Variants in RP1 observed in about 807,000 individuals in gnomAD.
The protein encoded by RP1 is oxygen-regulated protein 1.
RP1 carries 16 observed loss-of-function variants against 14.8 expected under a neutral mutation model. The ratio of observed to expected loss-of-function variants is 1.08; its 90% CI spans 0.73 to 1.65. RP1 has a LOEUF of 1.65. Ranked by LOEUF, RP1 falls within the 40% of genes most tolerant of loss-of-function variation. The pLI, the probability that RP1 is intolerant of heterozygous loss-of-function variation, is 0.00. For synonymous variants in RP1, 876 were observed against 883.6 expected, an observed-to-expected ratio of 0.99 and a Z score of 0.15; for missense variants, 2,631 against 2,535.0, an observed-to-expected ratio of 1.04 and a Z score of -0.81.
chr8:54,826,397 G>C (rs1811386732), intron 24 of RP1, among the ~76,000 whole-genome samples: 1 of 152,164 alleles, frequency 6.6e-6, no homozygotes, highest in African/African-American at 2.4e-5. Context: ...TTTATCTTCT[G>C]TCTAACCACA....
intron 24 of RP1, among the ~76,000 whole-genome samples, chr8:54,816,231 A>G (rs936168913): frequency 1.3e-5 from 2 of 152,242 alleles, no homozygotes; most frequent in Admixed American, 1.3e-4. Context: ...TGAAAGCTGC[A>G]TTCTAAAATG....
chr8:54,859,559 T>A (rs540106669), intron 27 of RP1, among the ~76,000 whole-genome samples: 2 of 150,900 alleles, frequency 1.3e-5, no homozygotes, highest in East Asian at 3.9e-4. Flanking sequence ...TCACTGTAGG[T>A]GGTGTCACTG....
At chr8:54,583,364 T>C (rs1157187852) in intron 1 of RP1, among the ~76,000 whole-genome samples, 5 of 152,206 alleles carry the variant, frequency 3.3e-5, no homozygotes, top group Middle Eastern at 3.2e-3. Flanking sequence ...TTGATTGTGG[T>C]GGATAAGCTT....
At chr8:54,746,837 T>C (rs1809235892) in intron 19 of RP1, among the ~76,000 whole-genome samples, 1 of 152,178 alleles carries the variant, frequency 6.6e-6, no homozygotes, top group Non-Finnish European at 1.5e-5. Flanking sequence ...TCTCACAAGT[T>C]GTGAATATCA....
chr8:54,559,576 T>C (rs1165347054), intron 1 of RP1, among the ~76,000 whole-genome samples: 1 of 152,100 alleles, frequency 6.6e-6, no homozygotes, highest in Non-Finnish European at 1.5e-5. Flanking sequence ...TTTTTGCAGA[T>C]ATTTGTAAGG....
chr8:54,597,077 CAATAG>C (rs1395045846), intron 1 of RP1, among the ~76,000 whole-genome samples: 2 of 152,108 alleles, frequency 1.3e-5, no homozygotes. Flanking sequence ...TTTCCATGTT[CAATAG>C]AATAGAACTA....
chr8:54,747,624 G>A (rs1222765169), intron 19 of RP1, among the ~76,000 whole-genome samples: 1 of 152,130 alleles, frequency 6.6e-6, no homozygotes, highest in Non-Finnish European at 1.5e-5. Flanking sequence ...AGTACGGCTG[G>A]GTGCATTGGC....
chr8:54,631,718 T>C (rs1806249203), downstream of RP1, among the ~76,000 whole-genome samples: 1 of 152,156 alleles, frequency 6.6e-6, no homozygotes, highest in African/African-American at 2.4e-5. Context: ...CAGGCTGGTT[T>C]TGAACTCCTG....
intron 1 of RP1, among the ~76,000 whole-genome samples, chr8:54,605,444 G>A (rs1370270751): frequency 1.3e-5 from 2 of 152,130 alleles, no homozygotes; most frequent in South Asian, 4.1e-4. Flanking sequence ...TTGCTGAGAA[G>A]TGCTTTACTT....
chr8:54,652,044 C>T (rs1392566325), intron 4 of RP1, among the ~76,000 whole-genome samples: 1 of 148,084 alleles, frequency 6.8e-6, no homozygotes, highest in Non-Finnish European at 1.5e-5. Flanking sequence ...GTCTATCTCT[C>T]TCGCACAGGC....
At chr8:54,623,131 G>C (rs1352610006) in intron 3 of RP1, among the ~76,000 whole-genome samples, 1 of 152,040 alleles carries the variant, frequency 6.6e-6, no homozygotes, top group Admixed American at 6.5e-5. Context: ...TGATTTCATG[G>C]ATATATTCAA....
intron 12 of RP1, among the ~76,000 whole-genome samples, chr8:54,685,550 G>T (rs1183506476): frequency 2.6e-5 from 4 of 152,154 alleles, no homozygotes; most frequent in Non-Finnish European, 5.9e-5. Flanking sequence ...TGCATTTACT[G>T]AGGAGTGGAA....
intron 15 of RP1, among the ~76,000 whole-genome samples, chr8:54,715,642 G>A (rs1808385682): frequency 6.6e-6 from 1 of 152,166 alleles, no homozygotes; most frequent in South Asian, 2.1e-4. Context: ...CAGAGTGGGT[G>A]AGTAGAAGTT....
intron 25 of RP1, among the ~76,000 whole-genome samples, chr8:54,843,185 A>G (rs1811829143): frequency 6.6e-6 from 1 of 152,096 alleles, no homozygotes; most frequent in African/African-American, 2.4e-5. Flanking sequence ...ACAGGCGTGC[A>G]CCACCACGCC....
At chr8:54,677,970 G>A (rs978264875) in intron 8 of RP1, among the ~76,000 whole-genome samples, 2 of 152,080 alleles carry the variant, frequency 1.3e-5, no homozygotes, top group African/African-American at 2.4e-5. Flanking sequence ...ACCTTCATGT[G>A]TACCAGGTGA....
chr8:54,819,688 G>A (rs977922323), intron 24 of RP1, among the ~76,000 whole-genome samples: 23 of 152,080 alleles, frequency 1.5e-4, no homozygotes, highest in African/African-American at 5.1e-4. Flanking sequence ...TGCATTAGGG[G>A]GCACCATAAG....
intron 15 of RP1, among the ~76,000 whole-genome samples, chr8:54,715,941 G>T (rs979373539): frequency 6.6e-6 from 1 of 152,200 alleles, no homozygotes; most frequent in Non-Finnish European, 1.5e-5. Context: ...CCAGAAGTAA[G>T]TACCAAGTTC....
intron 19 of RP1, among the ~76,000 whole-genome samples, chr8:54,748,291 G>A (rs1307039144): frequency 6.6e-6 from 1 of 152,192 alleles, no homozygotes; most frequent in African/African-American, 2.4e-5. Context: ...GTTCTGAAAT[G>A]CGGTAAGAAA....
At chr8:54,734,807 AGT>A (rs112017805) in intron 18 of RP1, 45,140 of 1,109,274 alleles carry the variant, frequency 0.041, no homozygotes, top group East Asian at 0.081. Context: ...GTAATGTAGA[AGT>A]GTGTGTGTGT....
Sources: allele counts gnomAD v4.1 joint callset (sites outside exome capture counted in the v4.1 genomes callset), GRCh38; gene constraint gnomAD v4.1.1; transcripts MANE v1.5; gene names NCBI Gene and HGNC (gene_info 2026-07-23, HGNC 2026-07-21).